Variants in ECE1 observed in about 807,000 individuals in gnomAD.
The protein encoded by ECE1 is endothelin-converting enzyme 1.
In ECE1, 35 loss-of-function variants were observed where a neutral mutation model predicts 98.6. That is an observed-to-expected ratio of 0.35 (90% CI 0.27 to 0.47). The LOEUF is 0.47. Ranked by LOEUF, ECE1 falls within the 20% of genes least tolerant of loss-of-function variation. ECE1 has a pLI of 1.00. For synonymous variants in ECE1, 394 were observed against 407.1 expected (o/e 0.97, Z 0.39); for missense variants, 814 against 1,025.3 (o/e 0.79, Z 2.81).
At chr1:21,248,147 T>C (rs1020174857) in intron 8 of ECE1, among the ~76,000 whole-genome samples, 2 of 151,390 alleles carry the variant, frequency 1.3e-5, no homozygotes, top group Non-Finnish European at 1.5e-5. Context: ...GCTCAGCTAA[T>C]GCACACAGCA....
chr1:21,287,621 G>C (rs1212712516), intron 2 of ECE1, among the ~76,000 whole-genome samples: 2 of 152,282 alleles, frequency 1.3e-5, no homozygotes, highest in East Asian at 3.9e-4. Context: ...CTAAAAATGG[G>C]TCACCCACAG....
At chr1:21,268,753 G>A (rs543300526) in intron 4 of ECE1, among the ~76,000 whole-genome samples, 24 of 152,292 alleles carry the variant, frequency 1.6e-4, no homozygotes, top group Non-Finnish European at 2.8e-4. Context: ...TGACCCCTTT[G>A]TCTTGGAGAC....
intron 16 of ECE1, among the ~76,000 whole-genome samples, chr1:21,226,746 G>A (rs2098174747): frequency 6.6e-6 from 1 of 152,020 alleles, no homozygotes; most frequent in Non-Finnish European, 1.5e-5. Flanking sequence ...TATTTTTTGA[G>A]ATGGAGTCTC....
At chr1:21,234,622 G>A (rs2103233921) in intron 13 of ECE1, among the ~76,000 whole-genome samples, 1 of 152,104 alleles carries the variant, frequency 6.6e-6, no homozygotes, top group Admixed American at 6.6e-5. Context: ...GGGACTATAG[G>A]CACATGCCAA....
intron 1 of ECE1, among the ~76,000 whole-genome samples, chr1:21,323,964 T>C (rs1378327287): frequency 6.6e-6 from 1 of 151,674 alleles, no homozygotes; most frequent in African/African-American, 2.4e-5. Flanking sequence ...GGATTACAGG[T>C]ATGCACCACC....
chr1:21,319,767 C>T lies in ECE1; in HGVS notation c.3+25609G>A, dbSNP rs571729350. Among the ~76,000 whole-genome samples the T allele has an allele frequency of 3.3e-5, 5 of 152,314 alleles. 1 individual carries two copies. The highest frequency in any genetic ancestry group is 1.2e-4 in the African/African-American group (5 of 41,562). On this transcript the variant is annotated intron_variant, in intron 1 of 18. Coordinates refer to the ECE1 transcript ENST00000415912. This position sits in a 1 kb window ranked among gnomAD's most constrained non-coding sequence, Gnocchi z 4.4. ...AGTTTGTCTTGGTCCCCCAGAGGGC[C>T]AACAAGCAGTCTGGGTGTTTACATT...
At chr1:21,223,801 T>C (rs1022797639) in intron 17 of ECE1, among the ~76,000 whole-genome samples, 1 of 152,086 alleles carries the variant, frequency 6.6e-6, no homozygotes, top group Non-Finnish European at 1.5e-5. Flanking sequence ...TTTCACCATG[T>C]TGGCCAAGCT....
intron 3 of ECE1, 119 bp downstream of exon 3, chr1:21,279,072 G>C: frequency 6.4e-7 from 1 of 1,563,586 alleles, no homozygotes; most frequent in Non-Finnish European, 8.7e-7. Context: ...CCTGGGCCTG[G>C]CTCCCTCCTT....
intron 1 of ECE1, among the ~76,000 whole-genome samples, chr1:21,315,160 G>T (rs1638806659): frequency 6.6e-6 from 1 of 152,232 alleles, no homozygotes; most frequent in South Asian, 2.1e-4. Context: ...AGATGGGGGT[G>T]ATAAGGCTCA....
chr1:21,334,577 C>A (rs891959550), intron 1 of ECE1, among the ~76,000 whole-genome samples: 1 of 152,230 alleles, frequency 6.6e-6, no homozygotes, highest in African/African-American at 2.4e-5. Flanking sequence ...CAGGCTCCAG[C>A]TCAATGCCCT....
chr1:21,306,901 A>C (rs952016915), intron 1 of ECE1, among the ~76,000 whole-genome samples: 1 of 152,148 alleles, frequency 6.6e-6, no homozygotes, highest in East Asian at 1.9e-4. Context: ...AGATGAACTA[A>C]CTGAGGCCCC....
chr1:21,268,118 C>T (rs979952533), intron 4 of ECE1, among the ~76,000 whole-genome samples: 1 of 152,054 alleles, frequency 6.6e-6, no homozygotes, highest in South Asian at 2.1e-4. Context: ...CCTAGAGAGG[C>T]CCTTTGGTAG....
chr1:21,274,014 C>T (rs1218103674), intron 3 of ECE1, among the ~76,000 whole-genome samples: 4 of 152,210 alleles, frequency 2.6e-5, no homozygotes, highest in East Asian at 1.9e-4. Flanking sequence ...CCAGCCCCAT[C>T]GTCCGTTTAC....
chr1:21,287,526 AAAATAAAT>A (rs1468643670), intron 2 of ECE1, among the ~76,000 whole-genome samples: 2 of 152,204 alleles, frequency 1.3e-5, no homozygotes, highest in African/African-American at 2.4e-5. Context: ...ACTCTGTCTC[AAAATAAAT>A]AAATAAATAT....
intron 3 of ECE1, among the ~76,000 whole-genome samples, chr1:21,274,630 C>T (rs552851237): frequency 2.0e-5 from 3 of 152,130 alleles, no homozygotes; most frequent in African/African-American, 7.2e-5. Context: ...GGGCAGTGTT[C>T]CCCTCACTCA....
At chr1:21,309,644 C>T (rs1638672779) in intron 1 of ECE1, among the ~76,000 whole-genome samples, 1 of 152,206 alleles carries the variant, frequency 6.6e-6, no homozygotes, top group African/African-American at 2.4e-5. Flanking sequence ...GGCATAACCT[C>T]ACCATTGCTG....
intron 3 of ECE1, among the ~76,000 whole-genome samples, chr1:21,278,316 A>G (rs28367943): frequency 0.02 from 3,114 of 152,346 alleles, 49 homozygotes; most frequent in South Asian, 0.034. Flanking sequence ...AGATCCACTT[A>G]GTTGGAAACA....
intron 12 of ECE1, among the ~76,000 whole-genome samples, chr1:21,236,425 C>T (rs212502): frequency 7.2e-5 from 11 of 152,244 alleles, no homozygotes; most frequent in Admixed American, 5.2e-4. Context: ...CAAGGCGGGT[C>T]GATCACCTGA....
chr1:21,229,367 G>A (rs1371993091), intron 14 of ECE1, among the ~76,000 whole-genome samples: 1 of 149,954 alleles, frequency 6.7e-6, no homozygotes, highest in African/African-American at 2.5e-5. Context: ...TTTTTTTAAT[G>A]TTACAGAGGT....
Sources: gnomAD v4.1 joint callset for allele counts (sites outside exome capture counted in the v4.1 genomes callset) on GRCh38, gnomAD v4.1.1 for gene constraint, Gnocchi (gnomAD v3.1) non-coding constraint, MANE v1.5 for transcripts, NCBI Gene and HGNC (gene_info 2026-07-23, HGNC 2026-07-21) for gene names.